Variants in RNF212B observed in about 807,000 individuals in gnomAD.
The protein encoded by RNF212B is ring finger protein 212B.
A neutral mutation model predicts 55.5 loss-of-function variants in RNF212B; 52 were observed. The ratio of observed to expected loss-of-function variants is 0.94; its 90% CI spans 0.75 to 1.18. The LOEUF (loss-of-function observed/expected upper bound fraction) is 1.18. Ranked by LOEUF, RNF212B falls within the 50% of genes most tolerant of loss-of-function variation. The pLI is 0.00. For missense variants in RNF212B, 289 were observed against 350.4 expected (o/e 0.82, Z 1.40); for synonymous variants, 99 against 121.4 (o/e 0.82, Z 1.21).
At chr14:23,272,387 C>G (rs1450981680) in intron 14 of RNF212B, 2 of 225,352 alleles carry the variant, frequency 8.9e-6, no homozygotes, top group African/African-American at 2.4e-5. Context: ...CCACTGCACT[C>G]CAGCCTGGGT....
At chr14:23,247,048 G>A (rs1386798474) in intron 4 of RNF212B, among the ~76,000 whole-genome samples, 1 of 151,814 alleles carries the variant, frequency 6.6e-6, no homozygotes, top group African/African-American at 2.4e-5. Context: ...GCTGAGGCAG[G>A]AGAATCACTT....
intron 2 of RNF212B, among the ~76,000 whole-genome samples, chr14:23,197,299 G>A (rs771052616): frequency 2.6e-4 from 40 of 152,244 alleles, no homozygotes; most frequent in Non-Finnish European, 5.7e-4. Flanking sequence ...GGCTGAGGCA[G>A]GTGGATTTCA....
intron 2 of RNF212B, among the ~76,000 whole-genome samples, chr14:23,232,475 C>T (rs138790980): frequency 4.8e-5 from 5 of 104,026 alleles, no homozygotes; most frequent in Admixed American, 9.3e-5. Context: ...AGTGAGGAGC[C>T]CCTCCGCCCG....
rs1157017157 is a variant in RNF212B at position 23,246,134 on chromosome 14, C to CT, written c.228+1751dup. Among the ~76,000 whole-genome samples the CT allele has an allele frequency of 9.7e-3, 1,387 of 142,568 alleles. 20 individuals are homozygous for CT. The highest frequency in any genetic ancestry group is 0.031 in the African/African-American group (1,206 of 39,178). 93.5% of individuals were successfully genotyped at this position (142,568 alleles called of 152,430 possible). On this transcript the variant is annotated intron_variant, in intron 4 of 14. Transcript: ENST00000430154. ...TCTGTAAGTCTGTAAGTTTTCTTTTCTTTTTTTTTTTTTGAGATGGAGTCT... is the reference window on the plus strand; with the variant it reads ...TCTGTAAGTCTGTAAGTTTTCTTTTCTTTTTTTTTTTTTTGAGATGGAGTCT...
At chr14:23,232,929 C>T (rs973551322) in intron 2 of RNF212B, among the ~76,000 whole-genome samples, 1 of 151,848 alleles carries the variant, frequency 6.6e-6, no homozygotes, top group Non-Finnish European at 1.5e-5. Context: ...TCATTGAGAA[C>T]GGGCCATGAT....
Position 23,260,746 on chromosome 14 carries a change from A to G in RNF212B, c.434+59A>G, listed in dbSNP as rs1313281787. On this transcript the variant is annotated intron_variant, in intron 7 of 14. Coordinates refer to ENST00000430154, the MANE Select transcript of RNF212B (RefSeq NM_001282322.3). The stretch of plus-strand genomic sequence containing the variant: ...CCCTGAAAATTCCTGTTCTTTCTTG[A>G]CTCCTGGCTGTGTGAACTCTGAGAG... 14 of 1,432,564 alleles carry G rather than the reference A, an allele frequency of 9.8e-6. No homozygotes were observed. The East Asian group carries it at 3.5e-4, about 36-fold the overall frequency. 88.7% of individuals were successfully genotyped at this position (1,432,564 alleles called of 1,614,324 possible).
intron 6 of RNF212B, among the ~76,000 whole-genome samples, chr14:23,260,401 C>G (rs1180672232): frequency 6.6e-6 from 1 of 152,206 alleles, no homozygotes; most frequent in Non-Finnish European, 1.5e-5. Flanking sequence ...TTTCCTTTCT[C>G]TCACCAGAGA....
intron 2 of RNF212B, among the ~76,000 whole-genome samples, chr14:23,220,747 C>T (rs1342415482): frequency 6.6e-6 from 1 of 151,638 alleles, no homozygotes; most frequent in Admixed American, 6.6e-5. Context: ...ATGGCGTGAA[C>T]CTGGGAGATG....
intron 3 of RNF212B, among the ~76,000 whole-genome samples, chr14:23,243,717 A>AAAAAAAGC (rs1566424491): frequency 8.6e-6 from 1 of 116,822 alleles, no homozygotes; most frequent in African/African-American, 3.9e-5. Flanking sequence ...AAAAAAAAAA[A>AAAAAAAGC]AAGCAAGCAA....
upstream of RNF212B, among the ~76,000 whole-genome samples, chr14:23,236,088 G>T (rs537132597): frequency 6.6e-6 from 1 of 152,318 alleles, no homozygotes; most frequent in African/African-American, 2.4e-5. Context: ...AAAAGTTAAT[G>T]CAGAAGCAAA....
At chr14:23,234,828 C>T (rs1476903926), upstream of RNF212B, among the ~76,000 whole-genome samples, 3 of 152,250 alleles carry the variant, frequency 2.0e-5, no homozygotes, top group Admixed American at 6.5e-5. Context: ...GTAATCCCAG[C>T]TGCTGGGGAG....
chr14:23,200,466 C>T (rs973981876), intron 2 of RNF212B, among the ~76,000 whole-genome samples: 1 of 152,060 alleles, frequency 6.6e-6, no homozygotes, highest in Admixed American at 6.6e-5. Flanking sequence ...GATGGGATTA[C>T]AGGTGCGTGC....
intron 4 of RNF212B, among the ~76,000 whole-genome samples, chr14:23,245,121 G>C (rs1362442842): frequency 2.0e-5 from 3 of 152,062 alleles, no homozygotes; most frequent in African/African-American, 7.2e-5. Context: ...TTTTATCACT[G>C]TTCCCTTTCT....
At chr14:23,220,506 T>C (rs1328230644) in intron 2 of RNF212B, among the ~76,000 whole-genome samples, 4 of 151,840 alleles carry the variant, frequency 2.6e-5, no homozygotes, top group Non-Finnish European at 5.9e-5. Context: ...CACTCCAGCC[T>C]GGGCAACATA....
chr14:23,248,933 A>G (rs746638620), intron 4 of RNF212B, among the ~76,000 whole-genome samples: 30 of 152,144 alleles, frequency 2.0e-4, no homozygotes, highest in Non-Finnish European at 3.5e-4. Context: ...AGGCCATACA[A>G]TTTCCGATGC....
At chr14:23,188,660 A>G (rs1235959297) in intron 1 of RNF212B, among the ~76,000 whole-genome samples, 1 of 151,976 alleles carries the variant, frequency 6.6e-6, no homozygotes, top group Non-Finnish European at 1.5e-5. Context: ...AGTAAAGATG[A>G]GGTCTTACTG....
At chr14:23,194,031 AG>A (rs1247576763) in intron 2 of RNF212B, among the ~76,000 whole-genome samples, 4 of 152,118 alleles carry the variant, frequency 2.6e-5, no homozygotes, top group Non-Finnish European at 5.9e-5. Context: ...TAGTAGAGAC[AG>A]GGTTTCACCA....
At chr14:23,236,311 C>T (rs1045462081), upstream of RNF212B, among the ~76,000 whole-genome samples, 5 of 152,044 alleles carry the variant, frequency 3.3e-5, 1 homozygote, top group Admixed American at 6.6e-5. Flanking sequence ...GTCAGGAGTT[C>T]GAGAGCAGCC....
upstream of RNF212B, among the ~76,000 whole-genome samples, chr14:23,234,327 GT>G (rs66588201): frequency 0.17 from 26,366 of 151,306 alleles, 2,305 homozygotes; most frequent in Non-Finnish European, 0.18. Context: ...CATGCAAAAA[GT>G]TTTTTTTAAA....
Sources: allele counts gnomAD v4.1 joint callset (sites outside exome capture counted in the v4.1 genomes callset), GRCh38; gene constraint gnomAD v4.1.1; transcripts MANE v1.5; gene names NCBI Gene and HGNC (gene_info 2026-07-23, HGNC 2026-07-21).